The following CDH22 variants were observed in gnomAD, a reference collection of about 807,000 sequenced individuals.
CDH22 encodes cadherin-22.
A neutral mutation model predicts 58.4 loss-of-function variants in CDH22; 30 were observed. That is an observed-to-expected ratio of 0.51 (90% CI 0.38 to 0.70). The LOEUF (loss-of-function observed/expected upper bound fraction) is 0.70, where lower values mean the gene tolerates loss of function less well. Ranked by LOEUF, CDH22 falls within the 30% of genes least tolerant of loss-of-function variation. The pLI, the probability that CDH22 is intolerant of heterozygous loss-of-function variation, is 0.00. For missense variants in CDH22, 1,014 were observed against 1,233.9 expected, an observed-to-expected ratio of 0.82 and a Z score of 2.67; for synonymous variants, 513 against 558.2, an observed-to-expected ratio of 0.92 and a Z score of 1.14.
At chr20:46,182,921 G>A (rs1301210267) in intron 10 of CDH22, among the ~76,000 whole-genome samples, 1 of 152,190 alleles carries the variant, frequency 6.6e-6, no homozygotes, top group African/African-American at 2.4e-5. Context: ...GGAGGAGGAG[G>A]CCTTCCACGG....
At chr20:46,199,307 G>A (rs1364682641) in intron 8 of CDH22, 116 bp downstream of exon 8, 13 of 1,241,094 alleles carry the variant, frequency 1.0e-5, no homozygotes, top group Non-Finnish European at 9.9e-6. Flanking sequence ...CCCCTCCCCC[G>A]TGGGCTTTGA....
intron 8 of CDH22, among the ~76,000 whole-genome samples, chr20:46,187,358 C>T (rs1284556389): frequency 1.3e-5 from 2 of 152,076 alleles, no homozygotes; most frequent in Non-Finnish European, 2.9e-5. Context: ...TTTGCATTAT[C>T]ATCAGTGCGT....
intron 10 of CDH22, among the ~76,000 whole-genome samples, chr20:46,179,804 A>G (rs2085771423): frequency 6.6e-6 from 1 of 152,170 alleles, no homozygotes; most frequent in Admixed American, 6.5e-5. Context: ...GAAATGCTCA[A>G]TAATGCTGAT....
intron 7 of CDH22, among the ~76,000 whole-genome samples, chr20:46,203,118 G>A (rs1322014425): frequency 1.3e-5 from 2 of 152,124 alleles, no homozygotes; most frequent in African/African-American, 4.8e-5. Flanking sequence ...TCTAAATGGA[G>A]GCAGCTGTTC....
Position 46,174,873 on chromosome 20 carries a change from C to A in CDH22, c.2120G>T (p.Gly707Val). The change falls in exon 12 of 12, where the codon GGC becomes GTC. Residue 707 changes from glycine (G) to valine (V), a missense_variant. By Grantham distance (109) the Gly-to-Val change is moderately radical. Around this residue, in one of 2 missense-constraint regions of CDH22, gnomAD observed 208 missense variants for 195.2 expected, o/e 1.07. Coordinates refer to ENST00000537909, the MANE Select transcript of CDH22 (RefSeq NM_021248.3). This position sits in a 1 kb window ranked among gnomAD's most constrained non-coding sequence, Gnocchi z 4.4. ...LKGGDGGGSA[G>V]GGAGGGSGGG... ...GCCCGAGCCCCCGCCCGCTCCCCCG[C>A]CCGCGCTGCCGCCCCCGTCGCCGCC... is the stretch of plus-strand genomic sequence containing the variant. 1.5e-6 allele frequency: 2 copies of A among 1,354,286 alleles called. No homozygotes were observed. Among genetic ancestry groups the A allele is most frequent in the Middle Eastern group, 5.4e-4 (2 of 3,724 alleles). The allele number at this position is 1,354,286 out of a possible 1,614,324, so 83.9% of individuals were successfully genotyped here.
intron 3 of CDH22, among the ~76,000 whole-genome samples, chr20:46,228,238 G>A (rs978904790): frequency 2.4e-4 from 37 of 152,120 alleles, no homozygotes; most frequent in African/African-American, 8.7e-4. Flanking sequence ...CTTGGCCCCC[G>A]GCAGGAGAGG....
intron 1 of CDH22, among the ~76,000 whole-genome samples, chr20:46,268,015 C>T (rs373196627): frequency 5.3e-5 from 8 of 152,264 alleles, no homozygotes; most frequent in Admixed American, 5.2e-4. Context: ...TGCTCCAAAT[C>T]GAGCAAGGGG....
chr20:46,228,977 AT>A (rs1417570046), intron 3 of CDH22, among the ~76,000 whole-genome samples: 3 of 151,946 alleles, frequency 2.0e-5, no homozygotes, highest in African/African-American at 7.3e-5. Context: ...TGCATTTCTC[AT>A]TTCCCTCTCC....
intron 1 of CDH22, among the ~76,000 whole-genome samples, chr20:46,254,280 T>C (rs2086395611): frequency 6.6e-6 from 1 of 151,808 alleles, no homozygotes; most frequent in Non-Finnish European, 1.5e-5. Flanking sequence ...ACTGGCCGAG[T>C]GAGGTGGCTT....
intron 10 of CDH22, among the ~76,000 whole-genome samples, chr20:46,185,771 C>T (rs555735232): frequency 6.6e-4 from 100 of 152,272 alleles, no homozygotes; most frequent in African/African-American, 2.0e-3. Context: ...AGGAGGCTGA[C>T]GCAGGACTGC....
intron 1 of CDH22, among the ~76,000 whole-genome samples, chr20:46,262,416 C>G (rs2086437891): frequency 6.6e-6 from 1 of 152,108 alleles, no homozygotes; most frequent in African/African-American, 2.4e-5. Context: ...CCCCCCGCCC[C>G]AGGCTATATG....
intron 1 of CDH22, among the ~76,000 whole-genome samples, chr20:46,304,025 G>T (rs541554692): frequency 4.3e-4 from 65 of 152,248 alleles, no homozygotes; most frequent in African/African-American, 1.4e-3. Context: ...GGGGAGAAAA[G>T]GTAGAGATTA....
intron 7 of CDH22, among the ~76,000 whole-genome samples, chr20:46,201,270 G>C (rs2085959610): frequency 6.6e-6 from 1 of 152,256 alleles, no homozygotes; most frequent in Non-Finnish European, 1.5e-5. Flanking sequence ...CCTCCCACAG[G>C]CAGGAGGAAA....
intron 7 of CDH22, among the ~76,000 whole-genome samples, chr20:46,205,726 C>T (rs1412126150): frequency 6.6e-6 from 1 of 152,148 alleles, no homozygotes; most frequent in Non-Finnish European, 1.5e-5. Context: ...CTAAGGCTTC[C>T]CACTGCCTAG....
intron 10 of CDH22, among the ~76,000 whole-genome samples, chr20:46,186,046 T>G (rs759366586): frequency 6.6e-6 from 1 of 151,896 alleles, no homozygotes; most frequent in Non-Finnish European, 1.5e-5. Flanking sequence ...AAATCCCGTC[T>G]CTACAAAAAA....
At chr20:46,247,563 G>C (rs1028699280) in intron 2 of CDH22, among the ~76,000 whole-genome samples, 2 of 152,170 alleles carry the variant, frequency 1.3e-5, no homozygotes, top group African/African-American at 4.8e-5. Context: ...AAGTATATGG[G>C]AGGATGTGCA....
At chr20:46,305,191 C>T (rs909930242) in intron 1 of CDH22, among the ~76,000 whole-genome samples, 12 of 152,234 alleles carry the variant, frequency 7.9e-5, no homozygotes, top group Admixed American at 2.0e-4. Flanking sequence ...TTGTCTCCTC[C>T]ATGGGCGGAA....
At position 46,174,692 on chromosome 20, in the gene CDH22, G is replaced by T. The variant is rs1468874447; in HGVS notation, c.2301C>A (p.Tyr767Ter). The change falls in exon 12 of 12, where the codon TAC (tyrosine) becomes TAA (stop). Residue 767 changes from tyrosine (Y) to a stop codon, truncating the protein, a stop_gained. Coordinates refer to ENST00000537909, the MANE Select transcript of CDH22 (RefSeq NM_021248.3). LOFTEE classifies it low-confidence loss of function (END_TRUNC). This position sits in a 1 kb window ranked among gnomAD's most constrained non-coding sequence, Gnocchi z 4.4. ...LADGDLSVPP[Y>*]DAFQTYAFEG... is the part of the protein sequence containing the mutation. The stretch of plus-strand genomic sequence containing the variant: ...CGAAGGCGTAGGTCTGGAAGGCGTC[G>T]TAGGGCGGCACCGACAGGTCCCCGT... 1.9e-6 allele frequency: 3 copies of T among 1,559,050 alleles called. No homozygotes were observed. The highest frequency in any genetic ancestry group is 1.3e-5 in the African/African-American group (1 of 74,120).
At chr20:46,263,348 G>C (rs2086442929) in intron 1 of CDH22, among the ~76,000 whole-genome samples, 1 of 151,900 alleles carries the variant, frequency 6.6e-6, no homozygotes, top group African/African-American at 2.4e-5. Flanking sequence ...TATGTGCCAG[G>C]CTAAGTATGC....
Sources: allele counts gnomAD v4.1 joint callset (sites outside exome capture counted in the v4.1 genomes callset), GRCh38; gene constraint gnomAD v4.1.1; regional missense constraint gnomAD v4.1.1; non-coding constraint Gnocchi (gnomAD v3.1); transcripts MANE v1.5; gene names NCBI Gene and HGNC (gene_info 2026-07-23, HGNC 2026-07-21).